ZMYM2: variants seen among roughly 807,000 people sequenced by gnomAD.
ZMYM2 encodes the protein zinc finger MYM-type protein 2.
A neutral mutation model predicts 162.8 loss-of-function variants in ZMYM2; 56 were observed. The ratio of observed to expected loss-of-function variants is 0.34; its 90% CI spans 0.28 to 0.43. The LOEUF (loss-of-function observed/expected upper bound fraction) is 0.43, where lower values mean the gene tolerates loss of function less well. Ranked by LOEUF, ZMYM2 falls within the 20% of genes least tolerant of loss-of-function variation. The pLI is 1.00. For missense variants in ZMYM2, 1,275 were observed against 1,621.8 expected (o/e 0.79, Z 3.67); for synonymous variants, 510 against 541.6 (o/e 0.94, Z 0.81).
rs1958366226 is a variant in ZMYM2 at position 20,087,965 on chromosome 13, TATATTCCA to T, written c.*1952_*1959del. On this transcript the variant is annotated 3_prime_UTR_variant, in exon 25 of 25. Coordinates refer to ENST00000610343, the MANE Select transcript of ZMYM2 (RefSeq NM_197968.4). ...CATCTTTTAGTCTTCAAAGTGGTGC[TATATTCCA>T]TCAAGAGCAATAAAGTTTTTCCCAG... The T allele has an allele frequency of 2.0e-5, 4 of 195,636 alleles. No individual in the cohort carries two copies. In the East Asian group the frequency reaches 3.2e-4, roughly 16 times the overall value. The allele number at this position is 195,636 out of a possible 1,614,324, so 12.1% of individuals were successfully genotyped here. A position where few individuals can be genotyped will look rare whatever the true frequency, so the allele number is the denominator to read the frequency against.
the ZMYM2 span, among the ~76,000 whole-genome samples, chr13:19,901,570 C>T: frequency 1.3e-5 from 2 of 151,992 alleles, no homozygotes; most frequent in Non-Finnish European, 2.9e-5. Flanking sequence ...CTGCAACCTC[C>T]GCCTCCCAGG....
At position 19,966,345 on chromosome 13, in the gene ZMYM2, G is replaced by A. The variant is rs182267988; in HGVS notation, c.-11+6319G>A. Among the ~76,000 whole-genome samples the A allele has an allele frequency of 1.5e-4, 22 of 150,682 alleles. 1 individual carries two copies. Among genetic ancestry groups the A allele is most frequent in the Middle Eastern group, 6.9e-3 (2 of 290 alleles). On this transcript the variant is annotated intron_variant, in intron 2 of 24. Coordinates refer to ENST00000610343, the MANE Select transcript of ZMYM2 (RefSeq NM_197968.4). ...GATGGGGTTTCTACATGTTGGTGAGGCTGGTCTTGAACTCCCGACCTCAGG... is the reference window on the plus strand; with the variant it reads ...GATGGGGTTTCTACATGTTGGTGAGACTGGTCTTGAACTCCCGACCTCAGG...
chr13:19,896,472 CT>C, the ZMYM2 span, among the ~76,000 whole-genome samples: 1 of 150,262 alleles, frequency 6.7e-6, no homozygotes, highest in Non-Finnish European at 1.5e-5. Context: ...GAATGGAATC[CT>C]TGGCTGAGCG....
intron 2 of ZMYM2, among the ~76,000 whole-genome samples, chr13:19,961,167 G>C (rs1378104227): frequency 6.7e-6 from 1 of 149,150 alleles, no homozygotes; most frequent in Non-Finnish European, 1.5e-5. Flanking sequence ...TTACTAGTAA[G>C]AATAGTGTAC....
intron 14 of ZMYM2, among the ~76,000 whole-genome samples, chr13:20,055,849 C>T (rs773811126): frequency 2.6e-5 from 4 of 151,750 alleles, no homozygotes; most frequent in Middle Eastern, 3.4e-3. Context: ...ACAGGTTAAT[C>T]GGGGTTAGGA....
At chr13:19,934,405 A>G in the ZMYM2 span, among the ~76,000 whole-genome samples, 2 of 152,036 alleles carry the variant, frequency 1.3e-5, no homozygotes, top group East Asian at 1.9e-4. Context: ...TGATTTGCCC[A>G]CCTCGGCCTC....
chr13:19,936,892 A>G, the ZMYM2 span, among the ~76,000 whole-genome samples: 1 of 152,044 alleles, frequency 6.6e-6, no homozygotes, highest in Non-Finnish European at 1.5e-5. Flanking sequence ...CTATTAGAAA[A>G]TAGACTAATT....
At chr13:19,955,930 CT>C (rs1954503017), upstream of ZMYM2, among the ~76,000 whole-genome samples, 1 of 152,172 alleles carries the variant, frequency 6.6e-6, no homozygotes, top group African/African-American at 2.4e-5. Flanking sequence ...GTCTGGTATG[CT>C]TTTTGACAGG....
Position 19,993,373 on chromosome 13 carries a change from C to A in ZMYM2, c.301C>A (p.Pro101Thr), listed in dbSNP as rs1199342394. The A allele has an allele frequency of 2.5e-6, 4 of 1,613,538 alleles. No homozygotes were observed. In the Admixed American group the frequency reaches 5.0e-5, roughly 20 times the overall value. ...ACAAGGAAATGATTCCAAAATTACT[C>A]CTTCCTCAAAAGAGTTGGCATCTCA... is the stretch of plus-strand genomic sequence containing the variant. ...ELQGNDSKIT[P>T]SSKELASQKG... Residue 101 changes from proline to threonine, a missense_variant, in exon 3 of 25, where the codon CCT (proline) becomes ACT (threonine). Transcript: ENST00000610343.
At chr13:19,944,863 G>T in the ZMYM2 span, among the ~76,000 whole-genome samples, 1 of 152,176 alleles carries the variant, frequency 6.6e-6, no homozygotes, top group East Asian at 1.9e-4. Context: ...TAGAGATGGG[G>T]TTTTGCTATA....
the ZMYM2 span, among the ~76,000 whole-genome samples, chr13:19,918,481 C>CT: frequency 7.1e-6 from 1 of 141,376 alleles, no homozygotes; most frequent in Non-Finnish European, 1.5e-5. Flanking sequence ...CCTTTCTTTT[C>CT]TTTTTCTTTC....
intron 21 of ZMYM2, among the ~76,000 whole-genome samples, chr13:20,074,915 A>G (rs564648497): frequency 1.3e-4 from 20 of 152,324 alleles, no homozygotes; most frequent in South Asian, 4.1e-4. Flanking sequence ...TAAACTGCAC[A>G]TTTAAAAATG....
the ZMYM2 span, among the ~76,000 whole-genome samples, chr13:19,925,824 T>C: frequency 6.7e-6 from 1 of 149,214 alleles, no homozygotes; most frequent in South Asian, 2.1e-4. Flanking sequence ...TGAGCCGAGA[T>C]TGTGCCTCTG....
the ZMYM2 span, among the ~76,000 whole-genome samples, chr13:19,884,652 C>T: frequency 5.9e-5 from 9 of 152,180 alleles, no homozygotes; most frequent in East Asian, 3.9e-4. Context: ...TTGGTCCTTC[C>T]GGTGTGCCAT....
chr13:19,886,449 C>T, the ZMYM2 span, among the ~76,000 whole-genome samples: 1 of 151,758 alleles, frequency 6.6e-6, no homozygotes, highest in African/African-American at 2.4e-5. Flanking sequence ...AGGTGTGAGC[C>T]ACTGCGCCCA....
the ZMYM2 span, among the ~76,000 whole-genome samples, chr13:19,893,672 G>A: frequency 4.6e-5 from 7 of 151,700 alleles, no homozygotes; most frequent in Admixed American, 2.0e-4. Flanking sequence ...CCTGGGAGAC[G>A]GAGGTTGCAG....
rs534826115 is a variant in ZMYM2, at chr13:20,076,840, T to C, written c.3454-5176T>C. Among the ~76,000 whole-genome samples, 598 of 150,526 alleles carry C rather than the reference T, an allele frequency of 4.0e-3. 64 individuals carry two copies. Among genetic ancestry groups the C allele is most frequent in the African/African-American group, 0.015 (582 of 39,856 alleles). On this transcript the variant is annotated intron_variant, in intron 21 of 24. Transcript: ENST00000610343. ...GGAATTTAAGATTTATTTTTTATTT[T>C]ATTTTATTTTTTTTGAGACGGAGTT...
chr13:20,000,447 T>C (rs1950311059), intron 3 of ZMYM2, among the ~76,000 whole-genome samples: 1 of 152,194 alleles, frequency 6.6e-6, no homozygotes, highest in Admixed American at 6.5e-5. Flanking sequence ...AACTGATGGC[T>C]CTCTTGTTAG....
chr13:19,989,603 G>T (rs774723518), intron 2 of ZMYM2, among the ~76,000 whole-genome samples: 1 of 152,164 alleles, frequency 6.6e-6, no homozygotes, highest in African/African-American at 2.4e-5. Context: ...CATGCATTGT[G>T]TGATAATCAC....
Sources: gnomAD v4.1 joint callset for allele counts (sites outside exome capture counted in the v4.1 genomes callset) on GRCh38, gnomAD v4.1.1 for gene constraint, MANE v1.5 for transcripts, NCBI Gene and HGNC (gene_info 2026-07-23, HGNC 2026-07-21) for gene names.